VPS13A: variants seen among roughly 807,000 people sequenced by gnomAD.
The protein encoded by VPS13A is intermembrane lipid transfer protein VPS13A.
VPS13A carries 264 observed loss-of-function variants against 390.9 expected under a neutral mutation model. The ratio of observed to expected loss-of-function variants is 0.68; its 90% CI spans 0.61 to 0.75. The LOEUF is 0.75. Ranked by LOEUF, VPS13A falls within the 30% of genes least tolerant of loss-of-function variation. The probability of loss-of-function intolerance (pLI) is 0.00; values close to 1 mark genes in which losing one functional copy is unlikely to be tolerated. For synonymous variants in VPS13A, 1,231 were observed against 1,227.1 expected (o/e 1.00, Z -0.07); for missense variants, 3,409 against 3,733.9 (o/e 0.91, Z 2.27).
intron 59 of VPS13A, among the ~76,000 whole-genome samples, chr9:77,361,873 G>A (rs1832160481): frequency 1.3e-5 from 2 of 151,842 alleles, no homozygotes; most frequent in Admixed American, 1.3e-4. Context: ...TGTCATTGTG[G>A]TTTTGACATG....
chr9:77,402,525 T>C (rs934297133), intron 68 of VPS13A, among the ~76,000 whole-genome samples: 3 of 152,222 alleles, frequency 2.0e-5, no homozygotes, highest in African/African-American at 7.2e-5. Flanking sequence ...TAGCCTGCTA[T>C]GTACTTTAAA....
At chr9:77,272,913 A>G (rs1166400965) in intron 23 of VPS13A, among the ~76,000 whole-genome samples, 1 of 152,196 alleles carries the variant, frequency 6.6e-6, no homozygotes, top group Non-Finnish European at 1.5e-5. Flanking sequence ...TTCAGAGATC[A>G]AAAATAAAAG....
chr9:77,399,434 A>G (rs552187671), intron 68 of VPS13A, among the ~76,000 whole-genome samples: 1 of 152,054 alleles, frequency 6.6e-6, no homozygotes, highest in Non-Finnish European at 1.5e-5. Flanking sequence ...GGAAAGTAGA[A>G]AGTGATGAGA....
rs1024144192 is a variant in VPS13A, at chr9:77,418,967, T to G, written c.*2961T>G. 6.6e-6 allele frequency: 1 copy of G among 152,214 alleles called. No individual in the cohort carries two copies. The highest frequency in any genetic ancestry group is 1.5e-5 in the Non-Finnish European group (1 of 68,030). 9.4% of individuals were successfully genotyped at this position (152,214 alleles called of 1,614,324 possible). A position where few individuals can be genotyped will look rare whatever the true frequency, so the allele number is the denominator to read the frequency against. ...TCAGTTATCACTTGCCAGTATTAGT[T>G]GATCCTTCAGGCTATGCCAAGTGCC... On this transcript the variant is annotated 3_prime_UTR_variant, in exon 72 of 72. Coordinates refer to ENST00000360280, the MANE Select transcript of VPS13A (RefSeq NM_033305.3).
At chr9:77,210,953 AG>A (rs1431214261) in intron 7 of VPS13A, among the ~76,000 whole-genome samples, 1 of 152,218 alleles carries the variant, frequency 6.6e-6, no homozygotes, top group African/African-American at 2.4e-5. Flanking sequence ...GTAATGAGTA[AG>A]TACCAAATAC....
At chr9:77,269,250 T>TG (rs1173411896) in intron 23 of VPS13A, among the ~76,000 whole-genome samples, 1 of 152,158 alleles carries the variant, frequency 6.6e-6, no homozygotes, top group East Asian at 1.9e-4. Flanking sequence ...TTCTATATGG[T>TG]GCTTGTGATG....
At chr9:77,196,706 A>C (rs187752386) in intron 1 of VPS13A, among the ~76,000 whole-genome samples, 2 of 151,540 alleles carry the variant, frequency 1.3e-5, no homozygotes, top group African/African-American at 4.8e-5. Flanking sequence ...ATAGTATTTC[A>C]CTGTGTATAT....
Position 77,353,556 on chromosome 9 carries a change from G to C in VPS13A, c.7567G>C (p.Glu2523Gln). 1 of 1,613,482 alleles carries C rather than the reference G, an allele frequency of 6.2e-7. No individual in the cohort carries two copies. Among genetic ancestry groups the C allele is most frequent in the Non-Finnish European group, 8.5e-7 (1 of 1,179,640 alleles). ...ESEKAELAEQ[E>Q]IAVALQDVGI... ...TGAGAAAGCAGAGTTAGCAGAGCAA[G>C]AAATTGCAGTGGCATTACAAGATGT... Residue 2523 changes from glutamate (E) to glutamine (Q), a missense_variant, in exon 54 of 72, where the codon GAA becomes CAA. Coordinates refer to ENST00000360280, the MANE Select transcript of VPS13A (RefSeq NM_033305.3).
intron 1 of VPS13A, among the ~76,000 whole-genome samples, chr9:77,199,077 ATT>A (rs1232164303): frequency 2.6e-5 from 4 of 152,184 alleles, no homozygotes; most frequent in Admixed American, 6.5e-5. Flanking sequence ...CATTTTGCTA[ATT>A]ACTTTCTATG....
In VPS13A at chr9:77,210,617, T is replaced by C; in HGVS notation, c.497T>C (p.Ile166Thr). The C allele has an allele frequency of 6.2e-7, 1 of 1,613,724 alleles. No individual in the cohort carries two copies. Among genetic ancestry groups the C allele is most frequent in the Non-Finnish European group, 8.5e-7 (1 of 1,179,908 alleles). The change falls in exon 7 of 72, where the codon ATC (isoleucine) becomes ACC (threonine). Residue 166 changes from isoleucine to threonine, a missense_variant and splice_region_variant. Physicochemically the swap from Ile to Thr is moderately conservative, Grantham distance 89 (BLOSUM62 -1). Transcript: ENST00000360280. Reference sequence around the variant, plus strand: ...AATTTTACTTTCTTTCCTCTTTAGATCACAAATCGGGACAAACCGCTGTCA... The same window carrying C: ...AATTTTACTTTCTTTCCTCTTTAGACCACAAATCGGGACAAACCGCTGTCA... The part of the protein sequence containing the change: ...SSIHIRYEDD[I>T]TNRDKPLSFG...
intron 41 of VPS13A, 27 bp downstream of exon 41, chr9:77,318,618 CAG>C (rs1383393947): frequency 6.6e-7 from 1 of 1,508,256 alleles, no homozygotes; most frequent in Non-Finnish European, 9.2e-7. Flanking sequence ...AGTTTTATAA[CAG>C]ATAATGATAC....
chr9:77,339,703 T>C lies in VPS13A; in HGVS notation c.6566T>C (p.Met2189Thr), dbSNP rs1247668596. 1 of 1,613,860 alleles carries C rather than the reference T, an allele frequency of 6.2e-7. No homozygotes were observed. The highest frequency in any genetic ancestry group is 8.5e-7 in the Non-Finnish European group (1 of 1,179,962). Residue 2189 changes from methionine (M) to threonine (T), a missense_variant, in exon 48 of 72, where the codon ATG (methionine) becomes ACG (threonine). Physicochemically the swap from Met to Thr is moderately conservative, Grantham distance 81 (BLOSUM62 -1). Transcript: ENST00000360280. ...GTCAGTTTTACTTGTGTTACAGAAATGGAAAAGACTGATTTAGATATTGCT... is the reference window on the plus strand; with the variant it reads ...GTCAGTTTTACTTGTGTTACAGAAACGGAAAAGACTGATTTAGATATTGCT... ...SFVSFTCVTE[M>T]EKTDLDIAVH...
At chr9:77,356,352 T>G (rs1831779349) in intron 54 of VPS13A, among the ~76,000 whole-genome samples, 2 of 152,200 alleles carry the variant, frequency 1.3e-5, no homozygotes, top group Non-Finnish European at 2.9e-5. Flanking sequence ...CATATTGCAG[T>G]TCTCCGGATC....
At chr9:77,400,555 C>A (rs57520031) in intron 68 of VPS13A, among the ~76,000 whole-genome samples, 44 of 151,750 alleles carry the variant, frequency 2.9e-4, no homozygotes, top group African/African-American at 9.7e-4. Flanking sequence ...GGGCCGGGCG[C>A]GGTGGCTCAT....
At chr9:77,305,521 G>C (rs1828687653) in intron 34 of VPS13A, 1 of 158,864 alleles carries the variant, frequency 6.3e-6, no homozygotes, top group Admixed American at 6.4e-5. Context: ...ATTTGTGTGG[G>C]GCAGCAAAGA....
intron 41 of VPS13A, 38 bp from the exon 42 acceptor site, chr9:77,319,534 T>G: frequency 7.5e-7 from 1 of 1,339,008 alleles, no homozygotes; most frequent in South Asian, 1.2e-5. Flanking sequence ...GGAAACAGGA[T>G]GGAAGATCAT....
At chr9:77,185,322 A>G (rs1019561434) in intron 1 of VPS13A, among the ~76,000 whole-genome samples, 9 of 152,080 alleles carry the variant, frequency 5.9e-5, no homozygotes, top group African/African-American at 1.9e-4. Flanking sequence ...TTGTATTTTT[A>G]GTAGAGACGG....
intron 13 of VPS13A, among the ~76,000 whole-genome samples, chr9:77,222,244 G>T (rs1415829339): frequency 6.6e-6 from 1 of 152,094 alleles, no homozygotes; most frequent in Non-Finnish European, 1.5e-5. Flanking sequence ...GGTTCAGGTT[G>T]TCTTAGTCTT....
chr9:77,303,940 T>A (rs969319273), intron 34 of VPS13A, among the ~76,000 whole-genome samples: 2 of 152,072 alleles, frequency 1.3e-5, no homozygotes, highest in Non-Finnish European at 2.9e-5. Flanking sequence ...GACAGTGGCC[T>A]TCCTCTATCT....
Sources: allele counts gnomAD v4.1 joint callset (sites outside exome capture counted in the v4.1 genomes callset), GRCh38; gene constraint gnomAD v4.1.1; transcripts MANE v1.5; gene names NCBI Gene and HGNC (gene_info 2026-07-23, HGNC 2026-07-21).